Variants in RNF144A observed in about 807,000 individuals in gnomAD.
RNF144A encodes the protein E3 ubiquitin-protein ligase RNF144A.
RNF144A carries 11 observed loss-of-function variants against 38.7 expected under a neutral mutation model. The observed-to-expected ratio is 0.28, with a 90% CI of 0.18 to 0.47. The LOEUF is 0.47. Among genes scored for constraint, RNF144A ranks in the 20% least tolerant of loss-of-function variants. The pLI is 0.99. For missense variants in RNF144A, 316 were observed against 377.2 expected (o/e 0.84, Z 1.34); for synonymous variants, 149 against 143.9 (o/e 1.04, Z -0.25).
intron 6 of RNF144A, among the ~76,000 whole-genome samples, chr2:7,051,190 G>T (rs1333640032): frequency 6.6e-6 from 1 of 152,158 alleles, no homozygotes; most frequent in Non-Finnish European, 1.5e-5. Flanking sequence ...GAGAGAGCAG[G>T]GGGTTGCTCA....
At chr2:6,997,277 G>T (rs1355850265) in intron 3 of RNF144A, among the ~76,000 whole-genome samples, 1 of 152,180 alleles carries the variant, frequency 6.6e-6, no homozygotes, top group African/African-American at 2.4e-5. Flanking sequence ...TGGTGCAAAA[G>T]CAATCGGTTA....
chr2:6,960,271 T>G (rs573872237), intron 2 of RNF144A, among the ~76,000 whole-genome samples: 5 of 152,352 alleles, frequency 3.3e-5, no homozygotes, highest in Admixed American at 2.6e-4. Flanking sequence ...GCATGGAATC[T>G]TCGCAACAGA....
downstream of RNF144A, among the ~76,000 whole-genome samples, chr2:7,070,170 T>TC (rs1553356750): frequency 9.3e-5 from 10 of 107,316 alleles, no homozygotes; most frequent in Non-Finnish European, 1.4e-4. Context: ...CTCTCTCTCT[T>TC]TATTTTTTAA....
At chr2:6,969,885 C>A (rs1355476692) in intron 2 of RNF144A, among the ~76,000 whole-genome samples, 1 of 152,116 alleles carries the variant, frequency 6.6e-6, no homozygotes, top group Non-Finnish European at 1.5e-5. Flanking sequence ...CCTCAGCCTC[C>A]CCAGCAGCTG....
Position 6,921,506 on chromosome 2 carries a change from A to C in RNF144A, c.-212+3884A>C, listed in dbSNP as rs1221642361. ...AGGCGTATGTTGCTATCCCTAGCTG[A>C]CAGAGGAGCAGAGTGAAGCAGAGAG... is the stretch of plus-strand genomic sequence containing the variant. On this transcript the variant is annotated intron_variant, in intron 1 of 8. Transcript: ENST00000320892. Among the ~76,000 whole-genome samples the C allele has an allele frequency of 2.0e-5, 3 of 152,338 alleles. No individual in the cohort carries two copies. In the East Asian group the frequency reaches 5.8e-4, roughly 29 times the overall value.
chr2:7,052,847 A>ACG (rs1296257863), intron 6 of RNF144A, among the ~76,000 whole-genome samples: 1 of 151,816 alleles, frequency 6.6e-6, no homozygotes, highest in African/African-American at 2.4e-5. Flanking sequence ...CAACACACAC[A>ACG]CACACACACA....
At chr2:6,936,846 TG>T (rs1665621797) in intron 1 of RNF144A, among the ~76,000 whole-genome samples, 1 of 132,958 alleles carries the variant, frequency 7.5e-6, no homozygotes, top group South Asian at 2.2e-4. Flanking sequence ...CACACAGTAG[TG>T]TGTGTGTGTG....
chr2:6,926,928 T>A (rs1326779578), intron 1 of RNF144A, among the ~76,000 whole-genome samples: 1 of 152,140 alleles, frequency 6.6e-6, no homozygotes, highest in Non-Finnish European at 1.5e-5. Flanking sequence ...GAGGAAGGGA[T>A]GGGGCAGAGC....
downstream of RNF144A, among the ~76,000 whole-genome samples, chr2:7,047,111 A>G (rs1316975057): frequency 6.6e-6 from 1 of 152,240 alleles, no homozygotes; most frequent in Non-Finnish European, 1.5e-5. Flanking sequence ...TAAGAAATTA[A>G]CATTGTAAAT....
intron 2 of RNF144A, among the ~76,000 whole-genome samples, chr2:6,968,081 A>AG (rs897568708): frequency 6.6e-6 from 1 of 151,906 alleles, no homozygotes. Flanking sequence ...TTTGGCGTCA[A>AG]TTGCTTTTGA....
At chr2:6,998,677 T>A (rs1247805575) in intron 3 of RNF144A, among the ~76,000 whole-genome samples, 3 of 152,218 alleles carry the variant, frequency 2.0e-5, no homozygotes, top group Non-Finnish European at 4.4e-5. Context: ...AAGTTGCTTT[T>A]GACATTGTTC....
chr2:7,056,472 A>G (rs1025299166), intron 6 of RNF144A, among the ~76,000 whole-genome samples: 1 of 152,230 alleles, frequency 6.6e-6, no homozygotes, highest in South Asian at 2.1e-4. Flanking sequence ...TCATATGTCA[A>G]TGCACTGATT....
At chr2:7,025,318 T>C (rs1346207055) in intron 7 of RNF144A, among the ~76,000 whole-genome samples, 1 of 152,238 alleles carries the variant, frequency 6.6e-6, no homozygotes, top group Non-Finnish European at 1.5e-5. Context: ...GTGGGCATCT[T>C]GCCAAAATGA....
chr2:7,007,286 G>A (rs1353575225), intron 3 of RNF144A, among the ~76,000 whole-genome samples: 2 of 152,202 alleles, frequency 1.3e-5, no homozygotes, highest in Non-Finnish European at 2.9e-5. Context: ...TTCATGATGG[G>A]ATAGAATGAT....
Position 6,941,574 on chromosome 2 carries a change from G to C in RNF144A, c.-12+427G>C, listed in dbSNP as rs1008913350. Among the ~76,000 whole-genome samples, 6 of 152,222 alleles carry C rather than the reference G, an allele frequency of 3.9e-5. No individual in the cohort carries two copies. Among genetic ancestry groups the C allele is most frequent in the Admixed American group, 3.3e-4 (5 of 15,294 alleles). ...TGAGGAATACAAGTGGAGGATGGGG[G>C]TAGGGACAGTCAGGAAGAGACAGAC... is the stretch of plus-strand genomic sequence containing the variant. On this transcript the variant is annotated intron_variant, in intron 2 of 8. Coordinates refer to ENST00000320892, the MANE Select transcript of RNF144A (RefSeq NM_014746.6). This position sits in a 1 kb window ranked among gnomAD's most constrained non-coding sequence, Gnocchi z 6.5.
At chr2:7,012,238 C>G (rs1000217243) in intron 3 of RNF144A, among the ~76,000 whole-genome samples, 1 of 152,144 alleles carries the variant, frequency 6.6e-6, no homozygotes. Context: ...AGACAAATCA[C>G]GTAAGTAGAC....
At chr2:7,072,005 C>A (rs1273712742), downstream of RNF144A, among the ~76,000 whole-genome samples, 2 of 152,206 alleles carry the variant, frequency 1.3e-5, no homozygotes, top group Non-Finnish European at 2.9e-5. Context: ...CCTAGGCAAT[C>A]CCCCACGTTG....
chr2:6,949,676 G>A (rs974845973), intron 2 of RNF144A, among the ~76,000 whole-genome samples: 3 of 152,138 alleles, frequency 2.0e-5, no homozygotes, highest in African/African-American at 7.2e-5. Flanking sequence ...CCTGCACTCA[G>A]CCAGGCTATT....
intron 1 of RNF144A, among the ~76,000 whole-genome samples, chr2:6,923,731 T>A (rs748521029): frequency 7.9e-5 from 12 of 151,910 alleles, no homozygotes; most frequent in South Asian, 4.2e-4. Flanking sequence ...CAGGCCCAGG[T>A]GCCTGCGTTC....
Sources: gnomAD v4.1 joint callset for allele counts (sites outside exome capture counted in the v4.1 genomes callset) on GRCh38, gnomAD v4.1.1 for gene constraint, Gnocchi (gnomAD v3.1) non-coding constraint, MANE v1.5 for transcripts, NCBI Gene and HGNC (gene_info 2026-07-23, HGNC 2026-07-21) for gene names.